The following LRRC7 variants were observed in gnomAD, a reference collection of about 807,000 sequenced individuals.
LRRC7 encodes the protein leucine rich repeat containing 7.
A neutral mutation model predicts 175.7 loss-of-function variants in LRRC7; 23 were observed. The observed-to-expected ratio is 0.13, with a 90% CI of 0.09 to 0.19. LRRC7 has a LOEUF of 0.19. LRRC7 is among the 10% of genes least tolerant of loss of function. LRRC7 has a pLI of 1.00. For missense variants in LRRC7, 1,354 were observed against 1,904.7 expected (o/e 0.71, Z 5.38); for synonymous variants, 685 against 680.9 (o/e 1.01, Z -0.09).
At chr1:69,943,949 A>AACACACACACAC (rs55900412) in intron 8 of LRRC7, among the ~76,000 whole-genome samples, 114 of 145,496 alleles carry the variant, frequency 7.8e-4, no homozygotes, top group East Asian at 6.8e-3. Flanking sequence ...TATCATGGTA[A>AACACACACACAC]ACACACACAC....
At chr1:70,024,284 ATATAT>A (rs1194932192) in intron 17 of LRRC7, among the ~76,000 whole-genome samples, 7 of 151,162 alleles carry the variant, frequency 4.6e-5, no homozygotes, top group South Asian at 2.1e-4. Flanking sequence ...ATGATGTGAA[ATATAT>A]TATATTACAT....
At chr1:69,633,300 C>T (rs1028827923) in intron 1 of LRRC7, among the ~76,000 whole-genome samples, 4 of 151,790 alleles carry the variant, frequency 2.6e-5, no homozygotes, top group African/African-American at 4.8e-5. Context: ...ATGTTAATGT[C>T]CTGTTATTGT....
chr1:69,697,302 C>T (rs940871823), intron 2 of LRRC7, among the ~76,000 whole-genome samples: 3 of 152,318 alleles, frequency 2.0e-5, no homozygotes, highest in African/African-American at 7.2e-5. Flanking sequence ...CCAGGTGCTC[C>T]AAACACAGCC....
intron 22 of LRRC7, among the ~76,000 whole-genome samples, chr1:70,050,345 C>T (rs1660657228): frequency 6.6e-6 from 1 of 152,006 alleles, no homozygotes; most frequent in Non-Finnish European, 1.5e-5. Context: ...CACAAGACTT[C>T]TACTCAGCAT....
At chr1:69,854,638 T>C (rs1051239339) in intron 7 of LRRC7, among the ~76,000 whole-genome samples, 65 of 152,166 alleles carry the variant, frequency 4.3e-4, no homozygotes, top group African/African-American at 1.5e-3. Context: ...CACTCTCATA[T>C]AGAATGAAGT....
At chr1:69,904,472 T>A (rs1219742325) in intron 7 of LRRC7, among the ~76,000 whole-genome samples, 1 of 151,934 alleles carries the variant, frequency 6.6e-6, no homozygotes, top group Non-Finnish European at 1.5e-5. Flanking sequence ...ACCATGCAAA[T>A]GGAAACCTAG....
At chr1:70,022,616 G>T (rs1158535749) in intron 16 of LRRC7, among the ~76,000 whole-genome samples, 1 of 152,066 alleles carries the variant, frequency 6.6e-6, no homozygotes, top group African/African-American at 2.4e-5. Flanking sequence ...GAAACAATGT[G>T]TGTTTCAAAA....
In LRRC7 at chr1:69,886,857, T is replaced by C. The variant is rs1320556044; in HGVS notation, c.648-44650T>C. ...GCATTTGCTTGTCTGTAAAGTATTT[T>C]ATTTCTCCTTCACTTATGAAGCTTA... On this transcript the variant is annotated intron_variant, in intron 7 of 26. Coordinates refer to ENST00000651989, the MANE Select transcript of LRRC7 (RefSeq NM_001370785.2). Among the ~76,000 whole-genome samples, 6 of 151,136 alleles carry C rather than the reference T, an allele frequency of 4.0e-5. No homozygotes were observed. The East Asian group carries it at 1.2e-3, about 30-fold the overall frequency.
chr1:69,578,729 G>A (rs2100906802), intron 1 of LRRC7, among the ~76,000 whole-genome samples: 1 of 147,122 alleles, frequency 6.8e-6, no homozygotes, highest in South Asian at 2.2e-4. Context: ...AGTCATAGGT[G>A]TGAATTGAAC....
intron 5 of LRRC7, among the ~76,000 whole-genome samples, chr1:69,828,592 T>C (rs1680189638): frequency 6.6e-6 from 1 of 152,116 alleles, no homozygotes; most frequent in Non-Finnish European, 1.5e-5. Flanking sequence ...GAAATAATGA[T>C]ATAAGTTTGC....
At chr1:69,736,575 T>C (rs952112138) in intron 2 of LRRC7, among the ~76,000 whole-genome samples, 1 of 152,138 alleles carries the variant, frequency 6.6e-6, no homozygotes, top group East Asian at 1.9e-4. Context: ...TTCTGAGAGA[T>C]AAAAATTTTT....
chr1:69,619,615 A>G (rs1406613727), intron 1 of LRRC7, among the ~76,000 whole-genome samples: 1 of 152,144 alleles, frequency 6.6e-6, no homozygotes, highest in East Asian at 1.9e-4. Flanking sequence ...TATTTCATTA[A>G]TTTCCCCCCA....
intron 7 of LRRC7, among the ~76,000 whole-genome samples, chr1:69,929,371 A>C (rs1306474223): frequency 6.6e-6 from 1 of 152,184 alleles, no homozygotes; most frequent in African/African-American, 2.4e-5. Context: ...CTGAACTTCC[A>C]GTCTACCCAA....
chr1:69,754,374 G>A (rs1670176144), intron 2 of LRRC7, among the ~76,000 whole-genome samples: 1 of 151,992 alleles, frequency 6.6e-6, no homozygotes, highest in Non-Finnish European at 1.5e-5. Context: ...GAAATGTTTA[G>A]GGTATTTAAT....
Position 70,038,245 on chromosome 1 carries a change from T to G in LRRC7, c.2421T>G (p.Thr807=). Residue 807 remains threonine, a synonymous_variant, in exon 21 of 27, where the codon ACT becomes ACG. Transcript: ENST00000651989. ...PMSDTFTDNW[T]DGSHYDNTGF... The stretch of plus-strand genomic sequence containing the variant: ...GTGATACTTTCACTGACAACTGGAC[T>G]GATGGCTCGCATTATGACAACACAG... 1.2e-6 allele frequency: 2 copies of G among 1,614,178 alleles called. No individual in the cohort carries two copies. The highest frequency in any genetic ancestry group is 1.7e-6 in the Non-Finnish European group (2 of 1,180,016).
At chr1:69,959,111 T>C (rs1650787813) in intron 8 of LRRC7, among the ~76,000 whole-genome samples, 1 of 152,112 alleles carries the variant, frequency 6.6e-6, no homozygotes, top group Non-Finnish European at 1.5e-5. Context: ...CAAGCATTAT[T>C]CAATCCCTAT....
At chr1:69,615,130 T>C (rs1649408765) in intron 1 of LRRC7, among the ~76,000 whole-genome samples, 1 of 152,094 alleles carries the variant, frequency 6.6e-6, no homozygotes, top group Admixed American at 6.6e-5. Context: ...ATCCCTTTTA[T>C]GAAGAATTTA....
At chr1:69,830,014 C>G (rs1277759701) in intron 5 of LRRC7, among the ~76,000 whole-genome samples, 1 of 151,714 alleles carries the variant, frequency 6.6e-6, no homozygotes, top group Non-Finnish European at 1.5e-5. Context: ...GAACCTATGT[C>G]TTAAACTTTT....
intron 8 of LRRC7, among the ~76,000 whole-genome samples, chr1:69,940,023 A>T (rs1648548837): frequency 6.6e-6 from 1 of 152,138 alleles, no homozygotes; most frequent in South Asian, 2.1e-4. Context: ...ACCAATAAAT[A>T]CATACGCACA....
Sources: allele counts gnomAD v4.1 joint callset (sites outside exome capture counted in the v4.1 genomes callset), GRCh38; gene constraint gnomAD v4.1.1; transcripts MANE v1.5; gene names NCBI Gene and HGNC (gene_info 2026-07-23, HGNC 2026-07-21).